Variants in CSMD2 observed in about 807,000 individuals in gnomAD.
CSMD2 encodes the protein CUB and Sushi multiple domains 2.
In CSMD2, 130 loss-of-function variants were observed where a neutral mutation model predicts 398.5. The observed-to-expected ratio is 0.33, with a 90% CI of 0.28 to 0.38. CSMD2 has a LOEUF of 0.38. CSMD2 is among the 10% of genes least tolerant of loss of function. The probability of loss-of-function intolerance (pLI) is 1.00; values close to 1 mark genes in which losing one functional copy is unlikely to be tolerated. For missense variants in CSMD2, 3,829 were observed against 4,764.9 expected (o/e 0.80, Z 5.78); for synonymous variants, 1,828 against 1,908.5 (o/e 0.96, Z 1.10).
At chr1:33,819,326 G>A (rs1483287876) in intron 9 of CSMD2, among the ~76,000 whole-genome samples, 1 of 152,186 alleles carries the variant, frequency 6.6e-6, no homozygotes, top group Non-Finnish European at 1.5e-5. Flanking sequence ...AAGAAACAGG[G>A]TTCAAGATGC....
intron 49 of CSMD2, among the ~76,000 whole-genome samples, chr1:33,576,072 C>G (rs1324142274): frequency 1.3e-5 from 2 of 152,042 alleles, no homozygotes; most frequent in African/African-American, 4.8e-5. Context: ...TTCTGGGAGG[C>G]AATCAGTATC....
At chr1:33,599,422 A>G (rs1640063255) in intron 44 of CSMD2, 1 of 152,240 alleles carries the variant, frequency 6.6e-6, no homozygotes. Flanking sequence ...ATCACCTTTT[A>G]TACTCTGTGC....
intron 55 of CSMD2, among the ~76,000 whole-genome samples, chr1:33,553,353 A>ATT (rs1657645684): frequency 6.6e-6 from 1 of 152,224 alleles, no homozygotes; most frequent in Non-Finnish European, 1.5e-5. Context: ...TGATGTCACT[A>ATT]TTGTAATTGT....
At chr1:34,048,443 T>G (rs750578726) in intron 2 of CSMD2, among the ~76,000 whole-genome samples, 2 of 152,182 alleles carry the variant, frequency 1.3e-5, no homozygotes, top group African/African-American at 4.8e-5. Flanking sequence ...AAACAACAAT[T>G]ATAAAAATAT....
intron 25 of CSMD2, among the ~76,000 whole-genome samples, chr1:33,666,943 G>C (rs150431896): frequency 1.3e-5 from 2 of 152,152 alleles, no homozygotes; most frequent in Non-Finnish European, 2.9e-5. Flanking sequence ...TGAAGTTTAG[G>C]TGGCGTGAAA....
At chr1:33,915,049 C>T (rs932527449) in intron 5 of CSMD2, among the ~76,000 whole-genome samples, 2 of 152,064 alleles carry the variant, frequency 1.3e-5, no homozygotes, top group Non-Finnish European at 2.9e-5. Context: ...ACATTGCATG[C>T]CACTCTCCCT....
chr1:34,011,395 C>T (rs1350211142), intron 3 of CSMD2, among the ~76,000 whole-genome samples: 3 of 152,086 alleles, frequency 2.0e-5, no homozygotes, highest in African/African-American at 4.8e-5. Flanking sequence ...TTTCCATTTG[C>T]TCTGAGGTGA....
chr1:33,761,949 C>T (rs1163142335), intron 13 of CSMD2, among the ~76,000 whole-genome samples: 2 of 152,130 alleles, frequency 1.3e-5, no homozygotes, highest in African/African-American at 2.4e-5. Context: ...GGCCAGGAGC[C>T]TTTTCTCTGA....
chr1:33,725,327 T>G, intron 17 of CSMD2, 22 bp downstream of exon 17: 1 of 1,610,340 alleles, frequency 6.2e-7, no homozygotes, highest in Non-Finnish European at 8.5e-7. Flanking sequence ...TCATCCCTTT[T>G]CCTGAGCCCA....
intron 2 of CSMD2, among the ~76,000 whole-genome samples, chr1:34,070,213 C>T (rs1261362345): frequency 6.6e-6 from 1 of 152,224 alleles, no homozygotes; most frequent in Non-Finnish European, 1.5e-5. Context: ...GGAGAAAAGA[C>T]AGCCATTCCC....
chr1:34,053,212 G>A (rs1237695600), intron 2 of CSMD2, among the ~76,000 whole-genome samples: 1 of 152,102 alleles, frequency 6.6e-6, no homozygotes, highest in Non-Finnish European at 1.5e-5. Context: ...GCAAGTTCAT[G>A]GGCATTTGTT....
At chr1:33,811,447 C>T (rs1404602004) in intron 9 of CSMD2, among the ~76,000 whole-genome samples, 3 of 152,122 alleles carry the variant, frequency 2.0e-5, no homozygotes, top group African/African-American at 7.2e-5. Context: ...AAGGCCACTC[C>T]ATTAGGTCTC....
rs199735111 is a variant in CSMD2 at position 33,877,224 on chromosome 1, T to TCAGC, written c.921-30232_921-30229dup. Among the ~76,000 whole-genome samples the TCAGC allele has an allele frequency of 5.5e-3, 841 of 152,354 alleles. 7 individuals carry two copies. Among genetic ancestry groups the TCAGC allele is most frequent in the African/African-American group, 0.019 (780 of 41,582 alleles). ...CTATGGCGCACAGCCCAGGGCTGAC[T>TCAGC]CAGCATTGCCTCTTCCTAACCTGTT... is the stretch of plus-strand genomic sequence containing the variant. On this transcript the variant is annotated intron_variant, in intron 5 of 70. Coordinates refer to ENST00000373381, the MANE Select transcript of CSMD2 (RefSeq NM_001281956.2).
Position 33,563,285 on chromosome 1 carries a change from G to C in CSMD2, c.8381-3812C>G, listed in dbSNP as rs372321204. 4.6e-5 allele frequency among the ~76,000 whole-genome samples: 7 copies of C among 152,208 alleles called. No individual in the cohort carries two copies. In the East Asian group the frequency reaches 1.2e-3, roughly 25 times the overall value. On this transcript the variant is annotated intron_variant, in intron 53 of 70. Transcript: ENST00000373381. ...GAAAGGGAAGGTCCATGGTAACATA[G>C]GAGAGGATTAAGAATAGACTAACCT...
In CSMD2 at chr1:33,739,981, G is replaced by A. The variant is rs1005307878; in HGVS notation, c.2174-647C>T. Among the ~76,000 whole-genome samples, 10 of 152,232 alleles carry A rather than the reference G, an allele frequency of 6.6e-5. No individual in the cohort carries two copies. The East Asian group carries it at 9.7e-4, about 15-fold the overall frequency. On this transcript the variant is annotated intron_variant, in intron 14 of 70. Coordinates refer to ENST00000373381, the MANE Select transcript of CSMD2 (RefSeq NM_001281956.2). ...TTTAATCATGCTTTGCCTTTTATTCGTTACATGGTCCTGGACAACTTATGC... is the reference window on the plus strand; with the variant it reads ...TTTAATCATGCTTTGCCTTTTATTCATTACATGGTCCTGGACAACTTATGC...
At chr1:33,897,335 C>T (rs142796652) in intron 5 of CSMD2, among the ~76,000 whole-genome samples, 46 of 152,286 alleles carry the variant, frequency 3.0e-4, no homozygotes, top group African/African-American at 9.1e-4. Context: ...TGAAGAGCTT[C>T]GATTCTGCCC....
chr1:33,594,056 A>G (rs1639679282), intron 44 of CSMD2, among the ~76,000 whole-genome samples: 1 of 152,162 alleles, frequency 6.6e-6, no homozygotes, highest in South Asian at 2.1e-4. Flanking sequence ...TAAAATAATT[A>G]TTTGTAGTCT....
chr1:33,809,712 A>G (rs1656634445), intron 10 of CSMD2, among the ~76,000 whole-genome samples: 1 of 147,578 alleles, frequency 6.8e-6, no homozygotes, highest in South Asian at 2.2e-4. Context: ...AAGAAAAGGT[A>G]TAAGAAATGG....
At chr1:34,047,206 C>A (rs946540265) in intron 2 of CSMD2, among the ~76,000 whole-genome samples, 1 of 152,180 alleles carries the variant, frequency 6.6e-6, no homozygotes, top group African/African-American at 2.4e-5. Context: ...TCCCCCTGCT[C>A]ACTCACTCTA....
Sources: gnomAD v4.1 joint callset for allele counts (sites outside exome capture counted in the v4.1 genomes callset) on GRCh38, gnomAD v4.1.1 for gene constraint, MANE v1.5 for transcripts, NCBI Gene and HGNC (gene_info 2026-07-23, HGNC 2026-07-21) for gene names.